Variants in KDM5A observed in about 807,000 individuals in gnomAD.
The protein encoded by KDM5A is lysine-specific demethylase 5A.
A neutral mutation model predicts 193.5 loss-of-function variants in KDM5A; 42 were observed. That is an observed-to-expected ratio of 0.22 (90% CI 0.17 to 0.28). The LOEUF is 0.28. Ranked by LOEUF, KDM5A falls within the 10% of genes least tolerant of loss-of-function variation. The pLI is 1.00. For missense variants in KDM5A, 1,692 were observed against 2,055.1 expected (o/e 0.82, Z 3.42); for synonymous variants, 796 against 718.1 (o/e 1.11, Z -1.73).
At chr12:354,597 C>G (rs1482127375) in intron 7 of KDM5A, among the ~76,000 whole-genome samples, 2 of 152,086 alleles carry the variant, frequency 1.3e-5, no homozygotes, top group Non-Finnish European at 2.9e-5. Flanking sequence ...GAAACCCCGT[C>G]TCTACTAAAA....
chr12:286,609 A>G (rs1477730362), intron 27 of KDM5A, among the ~76,000 whole-genome samples: 1 of 152,198 alleles, frequency 6.6e-6, no homozygotes, highest in African/African-American at 2.4e-5. Flanking sequence ...GAGCTTTACC[A>G]GATATCAAAG....
chr12:318,563 T>C (rs183842571), intron 18 of KDM5A, 102 bp from the exon 19 acceptor site: 13 of 796,026 alleles, frequency 1.6e-5, no homozygotes, highest in Admixed American at 1.5e-4. Context: ...TCTAGACTCT[T>C]ATAATCTCAC....
intron 27 of KDM5A, 93 bp downstream of exon 27, chr12:292,666 C>A (rs1943312502): frequency 2.0e-6 from 3 of 1,537,282 alleles, no homozygotes; most frequent in Non-Finnish European, 2.7e-6. Context: ...AATCCTAGAA[C>A]CAAAAACATA....
chr12:318,095 A>C lies in KDM5A; in HGVS notation c.2897+11T>G, dbSNP rs764789571. On this transcript the variant is annotated intron_variant, in intron 19 of 27. Transcript: ENST00000399788. Reference sequence around the variant, plus strand: ...TTGTTAAAGAGGCAACTGTCACCAAAATGTGTTCACCTTGCCTGTAGGCAG... The same window carrying C: ...TTGTTAAAGAGGCAACTGTCACCAACATGTGTTCACCTTGCCTGTAGGCAG... 91 of 1,605,080 alleles carry C rather than the reference A, an allele frequency of 5.7e-5. No homozygotes were observed. Among genetic ancestry groups the C allele is most frequent in the Non-Finnish European group, 6.7e-5 (79 of 1,171,900 alleles).
rs1565555377 is a variant in KDM5A at position 385,973 on chromosome 12, T to C, written c.167A>G (p.Asp56Gly). 6.2e-7 allele frequency: 1 copy of C among 1,612,394 alleles called. No individual in the cohort carries two copies. The highest frequency in any genetic ancestry group is 8.5e-7 in the Non-Finnish European group (1 of 1,178,564). The change falls in exon 2 of 28, where the codon GAC becomes GGC. Residue 56 changes from aspartate to glycine, a missense_variant and splice_region_variant. Coordinates refer to ENST00000399788, the MANE Select transcript of KDM5A (RefSeq NM_001042603.3). Reference sequence around the variant, plus strand: ...TTCACAGGCAAATGGAGGCTGCCAGTCCTAAATAGAAAGATTTTTTTAAAA... The same window carrying C: ...TTCACAGGCAAATGGAGGCTGCCAGCCCTAAATAGAAAGATTTTTTTAAAA... Reference protein sequence around the residue: ...TGICKIRPPKDWQPPFACEVK... With the variant: ...TGICKIRPPKGWQPPFACEVK...
In KDM5A at chr12:284,756, T is replaced by C. The variant is rs1353484945; in HGVS notation, c.*700A>G. On this transcript the variant is annotated 3_prime_UTR_variant, in exon 28 of 28. Coordinates refer to ENST00000399788, the MANE Select transcript of KDM5A (RefSeq NM_001042603.3). ...CTCCTTGCCTTGTAGTAGGTTCTTCTCCTCAGAATCCAATCTAGTCAGATT... is the reference window on the plus strand; with the variant it reads ...CTCCTTGCCTTGTAGTAGGTTCTTCCCCTCAGAATCCAATCTAGTCAGATT... 1 of 232,876 alleles carries C rather than the reference T, an allele frequency of 4.3e-6. No individual in the cohort carries two copies. The highest frequency in any genetic ancestry group is 2.2e-5 in the African/African-American group (1 of 45,308). The allele number at this position is 232,876 out of a possible 1,614,324, so 14.4% of individuals were successfully genotyped here.
intron 1 of KDM5A, among the ~76,000 whole-genome samples, chr12:386,476 C>T (rs117562939): frequency 0.017 from 2,661 of 152,242 alleles, 108 homozygotes; most frequent in South Asian, 0.16. Context: ...TACCAATAAA[C>T]AATCATTTCC....
intron 3 of KDM5A, among the ~76,000 whole-genome samples, chr12:374,196 T>C (rs568070162): frequency 3.3e-5 from 5 of 152,308 alleles, no homozygotes; most frequent in African/African-American, 9.6e-5. Flanking sequence ...AAGTCTCCCA[T>C]TATCATTGTG....
chr12:332,763 T>C (rs961966945), intron 12 of KDM5A, among the ~76,000 whole-genome samples: 2 of 152,184 alleles, frequency 1.3e-5, no homozygotes, highest in Non-Finnish European at 2.9e-5. Flanking sequence ...AGCATCCTTA[T>C]TGGTTATTAG....
At chr12:312,597 G>A (rs1943601935) in intron 20 of KDM5A, among the ~76,000 whole-genome samples, 1 of 152,200 alleles carries the variant, frequency 6.6e-6, no homozygotes, top group Admixed American at 6.5e-5. Flanking sequence ...TCAGACGAAA[G>A]AGTAAGTGAA....
At chr12:377,291 C>A (rs1944518660) in intron 3 of KDM5A, among the ~76,000 whole-genome samples, 1 of 150,906 alleles carries the variant, frequency 6.6e-6, no homozygotes, top group Non-Finnish European at 1.5e-5. Context: ...AATAAAGAGT[C>A]AAAAAGAAGA....
chr12:331,534 G>A (rs1943866317), intron 13 of KDM5A, among the ~76,000 whole-genome samples: 1 of 152,030 alleles, frequency 6.6e-6, no homozygotes, highest in African/African-American at 2.4e-5. Context: ...AAGAAAAGAA[G>A]GAAATGGGGG....
intron 3 of KDM5A, among the ~76,000 whole-genome samples, chr12:367,477 G>C (rs1352293292): frequency 1.3e-5 from 2 of 152,076 alleles, no homozygotes; most frequent in Non-Finnish European, 2.9e-5. Flanking sequence ...TGGGCAAATA[G>C]CCTGAGCTCA....
intron 24 of KDM5A, among the ~76,000 whole-genome samples, chr12:297,439 C>G (rs1275754240): frequency 6.6e-6 from 1 of 152,202 alleles, no homozygotes; most frequent in Admixed American, 6.5e-5. Context: ...TACTATAATT[C>G]TGATGAATGT....
At position 285,483 on chromosome 12, in the gene KDM5A, T is replaced by G. The variant is rs1383190407; in HGVS notation, c.5046A>C (p.Pro1682=). 6.2e-7 allele frequency: 1 copy of G among 1,613,996 alleles called. No homozygotes were observed. Among genetic ancestry groups the G allele is most frequent in the South Asian group, 1.1e-5 (1 of 91,074 alleles). ...PPSFIMSYKL[P]MEDLKETS ...AACTGGTCTCTTTAAGATCCTCCAT[T>G]GGTAGTTTGTAGCTCATTATGAAGG... The change falls in exon 28 of 28, where the codon CCA becomes CCC. Residue 1682 remains proline (P), a synonymous_variant. Transcript: ENST00000399788.
At chr12:331,796 C>T (rs745362859) in intron 13 of KDM5A, 23 bp downstream of exon 13, 1 of 1,613,598 alleles carries the variant, frequency 6.2e-7, no homozygotes, top group South Asian at 1.1e-5. Context: ...AGACGTACAA[C>T]AGCCACTTGC....
At position 281,746 on chromosome 12, in the gene KDM5A, T is replaced by A. The variant is rs1221110462; in HGVS notation, c.*3710A>T. The A allele has an allele frequency of 4.3e-6, 1 of 234,348 alleles. No individual in the cohort carries two copies. Among genetic ancestry groups the A allele is most frequent in the African/African-American group, 2.2e-5 (1 of 45,368 alleles). The allele number at this position is 234,348 out of a possible 1,614,324, so 14.5% of individuals were successfully genotyped here. A position where few individuals can be genotyped will look rare whatever the true frequency, so the allele number is the denominator to read the frequency against. On this transcript the variant is annotated 3_prime_UTR_variant, in exon 28 of 28. Transcript: ENST00000399788. ...CTTAAAAAGTGGATAAACCCATCTT[T>A]TGAAAGACAGGTCTTCTCAGTTTTT...
intron 3 of KDM5A, among the ~76,000 whole-genome samples, chr12:371,868 T>C (rs924768600): frequency 6.6e-5 from 10 of 152,224 alleles, no homozygotes; most frequent in African/African-American, 2.4e-4. Flanking sequence ...CCTTTCCCCA[T>C]TTCTTGTTTT....
At chr12:367,960 A>T (rs1412679816) in intron 3 of KDM5A, among the ~76,000 whole-genome samples, 1 of 152,202 alleles carries the variant, frequency 6.6e-6, no homozygotes, top group Admixed American at 6.5e-5. Context: ...GAAAGGAGGG[A>T]CTCAAACAGA....
Sources: allele counts gnomAD v4.1 joint callset (sites outside exome capture counted in the v4.1 genomes callset), GRCh38; gene constraint gnomAD v4.1.1; transcripts MANE v1.5; gene names NCBI Gene and HGNC (gene_info 2026-07-23, HGNC 2026-07-21).